Variants in TNC observed in about 807,000 individuals in gnomAD.
The protein encoded by TNC is tenascin.
A neutral mutation model predicts 202.4 loss-of-function variants in TNC; 109 were observed. That is an observed-to-expected ratio of 0.54 (90% CI 0.46 to 0.63). The LOEUF (loss-of-function observed/expected upper bound fraction) is 0.63, where lower values mean the gene tolerates loss of function less well. Ranked by LOEUF, TNC falls within the 30% of genes least tolerant of loss-of-function variation. The pLI is 0.00. For synonymous variants in TNC, 1,007 were observed against 1,089.7 expected (o/e 0.92, Z 1.50); for missense variants, 2,756 against 2,833.3 (o/e 0.97, Z 0.62).
chr9:115,030,437 A>G (rs1481483103), intron 23 of TNC, 32 bp from the exon 24 acceptor site: 1 of 1,593,294 alleles, frequency 6.3e-7, no homozygotes, highest in African/African-American at 1.3e-5. Context: ...TGATGCTCTC[A>G]GTGCAGGAGG....
chr9:115,077,359 A>G lies in TNC; in HGVS notation c.2674+584T>C, dbSNP rs536271348. 6.6e-4 allele frequency among the ~76,000 whole-genome samples: 101 copies of G among 151,900 alleles called. 1 individual carries two copies. The highest frequency in any genetic ancestry group is 1.2e-3 in the Non-Finnish European group (81 of 67,992). On this transcript the variant is annotated intron_variant, in intron 7 of 27. Transcript: ENST00000350763. Reference sequence around the variant, plus strand: ...GCGTGAGCCACTGCGCCTGACCCCAATTTTTGTACTTTTAGTAGAGACAGG... The same window carrying G: ...GCGTGAGCCACTGCGCCTGACCCCAGTTTTTGTACTTTTAGTAGAGACAGG...
At chr9:115,025,522 G>C (rs1250191552) in intron 26 of TNC, among the ~76,000 whole-genome samples, 4 of 152,142 alleles carry the variant, frequency 2.6e-5, no homozygotes, top group Admixed American at 1.3e-4. Context: ...AAGTGGGCAT[G>C]GGTTGCATGG....
At chr9:115,083,864 C>T (rs1834502696) in intron 4 of TNC, among the ~76,000 whole-genome samples, 2 of 152,142 alleles carry the variant, frequency 1.3e-5, no homozygotes, top group Non-Finnish European at 2.9e-5. Context: ...TTTGGCCTCC[C>T]AAAGTGCTAG....
intron 18 of TNC, among the ~76,000 whole-genome samples, 165 bp downstream of exon 18, chr9:115,042,054 A>C (rs1379390904): frequency 6.6e-6 from 1 of 152,248 alleles, no homozygotes; most frequent in African/African-American, 2.4e-5. Context: ...TAAGAACCTC[A>C]TAGCACTTTA....
chr9:115,104,330 C>G (rs1836451226), intron 1 of TNC, among the ~76,000 whole-genome samples: 1 of 152,138 alleles, frequency 6.6e-6, no homozygotes, highest in African/African-American at 2.4e-5. Flanking sequence ...TACAGACAGA[C>G]TTACAACACA....
Position 115,021,098 on chromosome 9 carries a change from G to T in TNC, c.*59C>A. The stretch of plus-strand genomic sequence containing the variant: ...GTTGGGCTGGTTGTATTGATGCTTT[G>T]GTAAAATCCTTTCCTCGCTCTGGGC... On this transcript the variant is annotated 3_prime_UTR_variant, in exon 28 of 28. Transcript: ENST00000350763. 1 of 1,400,266 alleles carries T rather than the reference G, an allele frequency of 7.1e-7. No homozygotes were observed. Among genetic ancestry groups the T allele is most frequent in the Non-Finnish European group, 1.0e-6 (1 of 991,446 alleles). 86.7% of individuals were successfully genotyped at this position (1,400,266 alleles called of 1,614,324 possible).
intron 22 of TNC, among the ~76,000 whole-genome samples, chr9:115,032,229 C>T (rs1009677731): frequency 2.6e-5 from 4 of 152,102 alleles, no homozygotes; most frequent in Non-Finnish European, 1.5e-5. Flanking sequence ...CTCAACCATA[C>T]TTAGCTTCAG....
chr9:115,114,467 C>T (rs1472778911), intron 1 of TNC, among the ~76,000 whole-genome samples: 1 of 152,218 alleles, frequency 6.6e-6, no homozygotes, highest in Non-Finnish European at 1.5e-5. Context: ...GACCTGACTG[C>T]TACCTCTAGT....
At chr9:115,041,554 T>A (rs999469680) in intron 18 of TNC, among the ~76,000 whole-genome samples, 3 of 152,232 alleles carry the variant, frequency 2.0e-5, no homozygotes, top group African/African-American at 7.2e-5. Context: ...GCAGTGTTTA[T>A]TAATAAACAC....
chr9:115,051,537 CTT>C (rs5900117), intron 15 of TNC, among the ~76,000 whole-genome samples: 99 of 131,274 alleles, frequency 7.5e-4, no homozygotes, highest in Middle Eastern at 3.9e-3. Flanking sequence ...TCTTTTTTTT[CTT>C]TTTTTTTTTT....
chr9:115,099,059 C>T (rs983717728), intron 1 of TNC, among the ~76,000 whole-genome samples: 51 of 150,708 alleles, frequency 3.4e-4, no homozygotes, highest in African/African-American at 1.1e-3. Context: ...CCTCCTAACC[C>T]TAGGTGTTTG....
At chr9:115,112,879 C>G (rs572256698) in intron 1 of TNC, 1 of 153,064 alleles carries the variant, frequency 6.5e-6, no homozygotes, top group Admixed American at 6.5e-5. Context: ...CAGTTGGAAC[C>G]TGGAGCAGGG....
At chr9:115,114,759 G>C (rs1013711868) in intron 1 of TNC, among the ~76,000 whole-genome samples, 9 of 152,136 alleles carry the variant, frequency 5.9e-5, no homozygotes, top group Non-Finnish European at 1.3e-4. Context: ...AGAAAGCTTG[G>C]GTCAAAGCCA....
rs1178662701 is a variant in TNC, at chr9:115,030,456, G to A, written c.5921-51C>T. 4 of 1,553,644 alleles carry A rather than the reference G, an allele frequency of 2.6e-6. No homozygotes were observed. The East Asian group carries it at 7.0e-5, about 27-fold the overall frequency. On this transcript the variant is annotated intron_variant, in intron 23 of 27. Transcript: ENST00000350763. The stretch of plus-strand genomic sequence containing the variant: ...GCTCTCAGTGCAGGAGGACTGAGCT[G>A]GAGCTTAATTCTTAGCTTAACTCTA...
At chr9:115,030,539 A>C in intron 23 of TNC, 134 bp from the exon 24 acceptor site, 1 of 1,061,674 alleles carries the variant, frequency 9.4e-7, no homozygotes, top group Non-Finnish European at 1.3e-6. Context: ...ACAATTAAAA[A>C]CTCATAGAAA....
chr9:115,111,399 C>CTCTCTTTTTTTTTTTTTTTTT (rs1174066886), intron 1 of TNC, among the ~76,000 whole-genome samples: 1 of 71,362 alleles, frequency 1.4e-5, no homozygotes, highest in Non-Finnish European at 2.4e-5. Flanking sequence ...CTCTCTCTCT[C>CTCTCTTTTTTTTTTTTTTTTT]TTTTTTTTTT....
intron 15 of TNC, among the ~76,000 whole-genome samples, chr9:115,056,165 A>G (rs1201239839): frequency 2.0e-5 from 3 of 152,006 alleles, no homozygotes; most frequent in Non-Finnish European, 2.9e-5. Context: ...TTTGTAAACT[A>G]TAAGGAAAAA....
intron 1 of TNC, among the ~76,000 whole-genome samples, chr9:115,110,814 T>C (rs1836983077): frequency 1.3e-5 from 2 of 152,042 alleles, no homozygotes; most frequent in African/African-American, 4.8e-5. Flanking sequence ...ATCAAAACAC[T>C]TGGCTCCACT....
chr9:115,103,856 C>A (rs960112837), intron 1 of TNC, among the ~76,000 whole-genome samples: 2 of 152,160 alleles, frequency 1.3e-5, no homozygotes, highest in African/African-American at 2.4e-5. Flanking sequence ...CATTACCAAC[C>A]AAATTAAATC....
Sources: gnomAD v4.1 joint callset for allele counts (sites outside exome capture counted in the v4.1 genomes callset) on GRCh38, gnomAD v4.1.1 for gene constraint, MANE v1.5 for transcripts, NCBI Gene and HGNC (gene_info 2026-07-23, HGNC 2026-07-21) for gene names.